ERICH3: variants seen among roughly 807,000 people sequenced by gnomAD.
ERICH3 encodes the protein glutamate rich 3, also known as glutamate-rich protein 3.
In ERICH3, 126 loss-of-function variants were observed where a neutral mutation model predicts 131.1. The observed-to-expected ratio is 0.96, with a 90% CI of 0.83 to 1.11. ERICH3 has a LOEUF of 1.11. ERICH3 is among the 50% of genes most tolerant of loss of function. The pLI is 0.00. For missense variants in ERICH3, 2,050 were observed against 1,810.7 expected (o/e 1.13, Z -2.40); for synonymous variants, 695 against 644.6 (o/e 1.08, Z -1.18).
intron 5 of ERICH3, among the ~76,000 whole-genome samples, chr1:74,637,382 A>T (rs561044387): frequency 6.6e-6 from 1 of 152,116 alleles, no homozygotes; most frequent in Non-Finnish European, 1.5e-5. Context: ...GTGGCTCCTG[A>T]TATGCTGACC....
rs1459138456 is a variant in ERICH3, at chr1:74,617,032, C to T, written c.1000+3702G>A. ...ATGAGCTATAAAAACACAGAGACTACCCCAAGAGTCCAGACTAAAAAATAG... is the reference window on the plus strand; with the variant it reads ...ATGAGCTATAAAAACACAGAGACTATCCCAAGAGTCCAGACTAAAAAATAG... On this transcript the variant is annotated intron_variant, in intron 8 of 14. Coordinates refer to ENST00000326665, the MANE Select transcript of ERICH3 (RefSeq NM_001002912.5). 7.9e-5 allele frequency among the ~76,000 whole-genome samples: 12 copies of T among 152,046 alleles called. 1 individual carries two copies.
In ERICH3 at chr1:74,576,945, A is replaced by G; in HGVS notation, c.2177-9T>C. On this transcript the variant is annotated splice_polypyrimidine_tract_variant and intron_variant, in intron 12 of 14. Transcript: ENST00000326665. ...TGGCAATGAATCCTTTCCTAGTTAA[A>G]AAAAAAAAAAAGAAAAAAAAGGTCA... is the stretch of plus-strand genomic sequence containing the variant. 1.3e-6 allele frequency: 2 copies of G among 1,483,130 alleles called. No individual in the cohort carries two copies. The highest frequency in any genetic ancestry group is 1.9e-5 in the Admixed American group (1 of 51,822). The allele number at this position is 1,483,130 out of a possible 1,614,324, so 91.9% of individuals were successfully genotyped here. A position where few individuals can be genotyped will look rare whatever the true frequency, so the allele number is the denominator to read the frequency against.
chr1:74,607,582 T>C (rs1032657185), intron 9 of ERICH3, among the ~76,000 whole-genome samples: 1 of 151,994 alleles, frequency 6.6e-6, no homozygotes. Flanking sequence ...GAATGGCCTT[T>C]TGAAGTCTGC....
Position 74,628,598 on chromosome 1 carries a change from TG to T in ERICH3, c.819+3114del, listed in dbSNP as rs147277191. On this transcript the variant is annotated intron_variant, in intron 7 of 14. Coordinates refer to ENST00000326665, the MANE Select transcript of ERICH3 (RefSeq NM_001002912.5). The stretch of plus-strand genomic sequence containing the variant: ...ACAGTAGGTTACAAGTAGTTAAGTT[TG>T]GGGGGAGTCAAAGTTTATATACAAA... Among the ~76,000 whole-genome samples, 21 of 152,108 alleles carry T rather than the reference TG, an allele frequency of 1.4e-4. No individual in the cohort carries two copies. In the South Asian group the frequency reaches 3.9e-3, roughly 29 times the overall value.
intron 10 of ERICH3, among the ~76,000 whole-genome samples, chr1:74,604,772 C>T (rs752763921): frequency 7.2e-4 from 110 of 151,998 alleles, no homozygotes; most frequent in Admixed American, 3.3e-3. Context: ...GTGCTGTCAT[C>T]CAGGCTTTGT....
At chr1:74,644,233 T>C (rs1021467530) in intron 3 of ERICH3, among the ~76,000 whole-genome samples, 2 of 151,998 alleles carry the variant, frequency 1.3e-5, no homozygotes, top group Admixed American at 6.6e-5. Flanking sequence ...CCTCTCTCTC[T>C]TCCTCTGATC....
At chr1:74,653,878 C>A (rs1455593870) in intron 1 of ERICH3, among the ~76,000 whole-genome samples, 1 of 152,130 alleles carries the variant, frequency 6.6e-6, no homozygotes, top group East Asian at 1.9e-4. Context: ...AGAGAAATGC[C>A]AACTCTAGCT....
At chr1:74,658,889 T>A (rs116807210) in intron 1 of ERICH3, among the ~76,000 whole-genome samples, 136 of 152,340 alleles carry the variant, frequency 8.9e-4, no homozygotes, top group African/African-American at 2.9e-3. Flanking sequence ...GTGCCTTATA[T>A]CACAGAATTT....
chr1:74,587,221 A>C (rs1570825990), intron 12 of ERICH3, among the ~76,000 whole-genome samples: 1 of 144,804 alleles, frequency 6.9e-6, no homozygotes, highest in East Asian at 2.2e-4. Context: ...GCTACTCGGG[A>C]GGTTAAGGCA....
Position 74,576,951 on chromosome 1 carries a change from A to T in ERICH3, c.2177-15T>A, listed in dbSNP as rs187947555. ...TGAATCCTTTCCTAGTTAAAAAAAA[A>T]AAAAAGAAAAAAAAGGTCAAATGAA... On this transcript the variant is annotated splice_polypyrimidine_tract_variant and intron_variant, in intron 12 of 14. Coordinates refer to ENST00000326665, the MANE Select transcript of ERICH3 (RefSeq NM_001002912.5). 1,006 of 1,588,494 alleles carry T rather than the reference A, an allele frequency of 6.3e-4. 7 individuals carry two copies. The African/African-American group carries it at 0.012, about 19-fold the overall frequency.
chr1:74,669,008 C>T (rs537194348), intron 1 of ERICH3, among the ~76,000 whole-genome samples: 13 of 152,206 alleles, frequency 8.5e-5, no homozygotes, highest in Non-Finnish European at 1.3e-4. Flanking sequence ...CTTAAGAATG[C>T]AATGGACCTT....
intron 1 of ERICH3, among the ~76,000 whole-genome samples, chr1:74,665,507 G>A (rs142945185): frequency 5.2e-4 from 79 of 152,286 alleles, no homozygotes; most frequent in Middle Eastern, 6.8e-3. Context: ...AACAGGTTGC[G>A]TTAGTTTGGT....
chr1:74,602,233 T>C (rs966941257), intron 10 of ERICH3, among the ~76,000 whole-genome samples: 3 of 151,902 alleles, frequency 2.0e-5, no homozygotes, highest in African/African-American at 7.2e-5. Context: ...AATATGAAAG[T>C]CAAGGCTGCC....
chr1:74,588,698 A>G (rs1647448614), intron 12 of ERICH3, among the ~76,000 whole-genome samples: 1 of 152,146 alleles, frequency 6.6e-6, no homozygotes, highest in Non-Finnish European at 1.5e-5. Context: ...ACAGGAGGCT[A>G]GGTGAGAGGC....
At chr1:74,597,193 C>A (rs990495382) in intron 11 of ERICH3, among the ~76,000 whole-genome samples, 3 of 151,966 alleles carry the variant, frequency 2.0e-5, no homozygotes, top group African/African-American at 7.2e-5. Context: ...GCTACTTGTT[C>A]GCTGGATAAA....
intron 7 of ERICH3, among the ~76,000 whole-genome samples, chr1:74,630,237 T>C (rs1002805641): frequency 6.6e-6 from 1 of 152,168 alleles, no homozygotes; most frequent in Non-Finnish European, 1.5e-5. Flanking sequence ...ATTGGCCAGG[T>C]AGAAACCAAT....
At chr1:74,671,795 C>T (rs929272392) in intron 1 of ERICH3, among the ~76,000 whole-genome samples, 1 of 152,178 alleles carries the variant, frequency 6.6e-6, no homozygotes, top group African/African-American at 2.4e-5. Context: ...GATGCACCAT[C>T]CGGCAATACC....
intron 10 of ERICH3, among the ~76,000 whole-genome samples, chr1:74,601,191 GAC>G (rs1648113703): frequency 6.6e-6 from 1 of 151,842 alleles, no homozygotes; most frequent in African/African-American, 2.4e-5. Context: ...TATGTTGCTA[GAC>G]ACAAACAGAA....
At chr1:74,601,246 C>T (rs988596748) in intron 10 of ERICH3, among the ~76,000 whole-genome samples, 2 of 151,596 alleles carry the variant, frequency 1.3e-5, no homozygotes, top group Admixed American at 6.6e-5. Flanking sequence ...CAAGTATTGC[C>T]GGCCAAGTTA....
Sources: allele counts gnomAD v4.1 joint callset (sites outside exome capture counted in the v4.1 genomes callset), GRCh38; gene constraint gnomAD v4.1.1; transcripts MANE v1.5; gene names NCBI Gene and HGNC (gene_info 2026-07-23, HGNC 2026-07-21).